The following PIEZO2 variants were observed in gnomAD, a reference collection of about 807,000 sequenced individuals.
PIEZO2 encodes the protein piezo type mechanosensitive ion channel component 2, also known as piezo-type mechanosensitive ion channel component 2.
PIEZO2 carries 172 observed loss-of-function variants against 337.3 expected under a neutral mutation model. The ratio of observed to expected loss-of-function variants is 0.51; its 90% CI spans 0.45 to 0.58. The LOEUF (loss-of-function observed/expected upper bound fraction) is 0.58, where lower values mean the gene tolerates loss of function less well. PIEZO2 is among the 20% of genes least tolerant of loss of function. The pLI is 0.00. For missense variants in PIEZO2, 3,028 were observed against 3,391.3 expected, an observed-to-expected ratio of 0.89 and a Z score of 2.66; for synonymous variants, 1,251 against 1,228.5, an observed-to-expected ratio of 1.02 and a Z score of -0.38.
rs190484419 is a variant in PIEZO2, at chr18:10,927,264, C to A, written c.287-16036G>T. 9.2e-5 allele frequency among the ~76,000 whole-genome samples: 14 copies of A among 152,216 alleles called. No individual in the cohort carries two copies. The East Asian group carries it at 2.5e-3, about 27-fold the overall frequency. Reference sequence around the variant, plus strand: ...TATTATTATTTTTTAAAGGTGACCCCTTTGGAAGCTCAAGTTCTTGGCTCA... The same window carrying A: ...TATTATTATTTTTTAAAGGTGACCCATTTGGAAGCTCAAGTTCTTGGCTCA... On this transcript the variant is annotated intron_variant, in intron 3 of 55. Transcript: ENST00000674853.
intron 3 of PIEZO2, among the ~76,000 whole-genome samples, chr18:10,937,880 C>T (rs1293123265): frequency 1.3e-5 from 2 of 152,108 alleles, no homozygotes; most frequent in Non-Finnish European, 2.9e-5. Context: ...AATTAAGTCA[C>T]GTTAAAGTGT....
intron 23 of PIEZO2, among the ~76,000 whole-genome samples, 191 bp from the exon 24 acceptor site, chr18:10,761,302 C>A (rs1568028664): frequency 6.6e-6 from 1 of 152,226 alleles, no homozygotes; most frequent in Non-Finnish European, 1.5e-5. Flanking sequence ...GAAAATCAGG[C>A]TAACTTCCAA....
At position 10,759,949 on chromosome 18, in the gene PIEZO2, C is replaced by T; in HGVS notation, c.3451-40G>A. ...AAAGAGGCAAAAAAAAAAAATCAGG[C>T]ATATGGGAAAGGGGACTGGTGATAG... On this transcript the variant is annotated intron_variant, in intron 24 of 55. Coordinates refer to ENST00000674853, the MANE Select transcript of PIEZO2 (RefSeq NM_001378183.1). This position sits in a 1 kb window ranked among gnomAD's most constrained non-coding sequence, Gnocchi z 5.5. 1 of 1,512,746 alleles carries T rather than the reference C, an allele frequency of 6.6e-7. No individual in the cohort carries two copies. Among genetic ancestry groups the T allele is most frequent in the Non-Finnish European group, 8.9e-7 (1 of 1,125,324 alleles). The allele number at this position is 1,512,746 out of a possible 1,614,324, so 93.7% of individuals were successfully genotyped here.
intron 2 of PIEZO2, among the ~76,000 whole-genome samples, chr18:11,055,072 G>A (rs576698793): frequency 1.6e-4 from 25 of 152,156 alleles, no homozygotes; most frequent in Admixed American, 4.6e-4. Flanking sequence ...TTAGCTGGGC[G>A]CGGTGGCAGG....
intron 21 of PIEZO2, among the ~76,000 whole-genome samples, chr18:10,764,969 T>C (rs1478170921): frequency 6.6e-6 from 1 of 152,238 alleles, no homozygotes; most frequent in African/African-American, 2.4e-5. Context: ...CTCAGTTATG[T>C]CTGTTATTAT....
At chr18:10,891,415 G>C (rs1598639187) in intron 4 of PIEZO2, among the ~76,000 whole-genome samples, 1 of 152,098 alleles carries the variant, frequency 6.6e-6, no homozygotes, top group South Asian at 2.1e-4. Flanking sequence ...GTAGGGAACA[G>C]ATGAAGACAG....
At chr18:11,018,111 C>T (rs2036179858) in intron 2 of PIEZO2, among the ~76,000 whole-genome samples, 1 of 152,024 alleles carries the variant, frequency 6.6e-6, no homozygotes, top group Non-Finnish European at 1.5e-5. Context: ...CCTGCCCCTT[C>T]CAGCTTTGGG....
chr18:10,823,432 G>A (rs1248422359), intron 7 of PIEZO2, among the ~76,000 whole-genome samples: 2 of 152,040 alleles, frequency 1.3e-5, no homozygotes. Flanking sequence ...ACTACATATA[G>A]CCCTGAATTT....
chr18:10,826,645 A>C (rs981063793), intron 7 of PIEZO2, among the ~76,000 whole-genome samples: 32 of 152,182 alleles, frequency 2.1e-4, no homozygotes, highest in African/African-American at 7.0e-4. Flanking sequence ...CATTGTTTAT[A>C]TGCTTACATT....
In PIEZO2 at chr18:10,982,106, G is replaced by C. The variant is rs1455875341; in HGVS notation, c.161-2446C>G. Among the ~76,000 whole-genome samples, 1 of 152,118 alleles carries C rather than the reference G, an allele frequency of 6.6e-6. No homozygotes were observed. The highest frequency in any genetic ancestry group is 2.4e-5 in the African/African-American group (1 of 41,434). On this transcript the variant is annotated intron_variant, in intron 2 of 55. Transcript: ENST00000674853. The surrounding 1 kb of genome is among the most constrained non-coding windows in gnomAD (Gnocchi z 4.1). ...TCAAACATCCAAACTGCATCAGTAG[G>C]CATATTTGTCTTTTCTTGATTTCAA...
In PIEZO2 at chr18:11,059,518, T is replaced by C. The variant is rs555169244; in HGVS notation, c.160+6609A>G. ...TGCTGTATTCAGGAAACCCATCTCA[T>C]GTGCAGAGACACACATAGGCTCAAA... On this transcript the variant is annotated intron_variant, in intron 2 of 55. Transcript: ENST00000674853. Among the ~76,000 whole-genome samples, 13 of 152,258 alleles carry C rather than the reference T, an allele frequency of 8.5e-5. No individual in the cohort carries two copies. In the South Asian group the frequency reaches 2.3e-3, roughly 27 times the overall value.
intron 8 of PIEZO2, among the ~76,000 whole-genome samples, chr18:10,805,989 C>T (rs1322429235): frequency 1.3e-5 from 2 of 152,220 alleles, no homozygotes; most frequent in African/African-American, 4.8e-5. Context: ...TTAGAATGTA[C>T]AGCTCTCTAA....
chr18:11,087,575 G>A (rs8091121), intron 1 of PIEZO2, among the ~76,000 whole-genome samples: 86,945 of 152,084 alleles, frequency 0.57, 26,400 homozygotes, highest in African/African-American at 0.79. Context: ...TTTAAGCTCT[G>A]GTGTTTCCTG....
chr18:10,751,658 C>T (rs770337000), intron 28 of PIEZO2, among the ~76,000 whole-genome samples: 4 of 152,154 alleles, frequency 2.6e-5, no homozygotes, highest in Non-Finnish European at 5.9e-5. Flanking sequence ...AGAGCTCATC[C>T]CTAAGTAGCT....
Position 10,726,113 on chromosome 18 carries a change from G to A in PIEZO2, c.5029+5294C>T, listed in dbSNP as rs888900111. On this transcript the variant is annotated intron_variant, in intron 36 of 55. Coordinates refer to ENST00000674853, the MANE Select transcript of PIEZO2 (RefSeq NM_001378183.1). The surrounding 1 kb of genome is among the most constrained non-coding windows in gnomAD (Gnocchi z 5.9). Reference sequence around the variant, plus strand: ...TGTCAGTTCGGGAGAGTTCGTGCACGTGTGTGGGTGCGTGGGTGTAGGGTG... The same window carrying A: ...TGTCAGTTCGGGAGAGTTCGTGCACATGTGTGGGTGCGTGGGTGTAGGGTG... Among the ~76,000 whole-genome samples, 45 of 152,248 alleles carry A rather than the reference G, an allele frequency of 3.0e-4. No individual in the cohort carries two copies. The highest frequency in any genetic ancestry group is 1.1e-3 in the African/African-American group (44 of 41,574).
In PIEZO2 at chr18:11,001,878, G is replaced by C. The variant is rs974019391; in HGVS notation, c.161-22218C>G. Reference sequence around the variant, plus strand: ...GGGTGATAGAGCGAGATTCAAAAAAGAAAAAGGAGAAAAAGGGAAGGAAGG... The same window carrying C: ...GGGTGATAGAGCGAGATTCAAAAAACAAAAAGGAGAAAAAGGGAAGGAAGG... On this transcript the variant is annotated intron_variant, in intron 2 of 55. Transcript: ENST00000674853. This position sits in a 1 kb window ranked among gnomAD's most constrained non-coding sequence, Gnocchi z 5.3. Among the ~76,000 whole-genome samples the C allele has an allele frequency of 1.8e-4, 24 of 135,610 alleles. No individual in the cohort carries two copies. Among genetic ancestry groups the C allele is most frequent in the African/African-American group, 7.0e-4 (24 of 34,432 alleles). 89.0% of individuals were successfully genotyped at this position (135,610 alleles called of 152,430 possible).
chr18:10,809,147 A>G (rs2040094385), intron 7 of PIEZO2, among the ~76,000 whole-genome samples: 1 of 152,034 alleles, frequency 6.6e-6, no homozygotes, highest in Non-Finnish European at 1.5e-5. Flanking sequence ...CAATGTATAG[A>G]CCTAAAAAAA....
intron 7 of PIEZO2, among the ~76,000 whole-genome samples, chr18:10,849,221 A>G (rs2041461200): frequency 6.6e-6 from 1 of 152,186 alleles, no homozygotes; most frequent in Non-Finnish European, 1.5e-5. Context: ...CATGTTGGCC[A>G]TGCTGGTCTC....
At chr18:10,944,287 C>T (rs986933701) in intron 3 of PIEZO2, among the ~76,000 whole-genome samples, 1 of 151,548 alleles carries the variant, frequency 6.6e-6, no homozygotes, top group Non-Finnish European at 1.5e-5. Context: ...GAGTTCTACC[C>T]TAATCAGAGT....
Sources: allele counts gnomAD v4.1 joint callset (sites outside exome capture counted in the v4.1 genomes callset), GRCh38; gene constraint gnomAD v4.1.1; non-coding constraint Gnocchi (gnomAD v3.1); transcripts MANE v1.5; gene names NCBI Gene and HGNC (gene_info 2026-07-23, HGNC 2026-07-21).